PPP3R1: variants seen among roughly 807,000 people sequenced by gnomAD.
PPP3R1 encodes calcineurin subunit B type 1.
Under a neutral mutation model 22.6 loss-of-function variants are expected in PPP3R1, and 5 were observed. That is an observed-to-expected ratio of 0.22 (90% CI 0.12 to 0.46). PPP3R1 has a LOEUF of 0.46. PPP3R1 is among the 20% of genes least tolerant of loss of function. The pLI, the probability that PPP3R1 is intolerant of heterozygous loss-of-function variation, is 0.99. For missense variants in PPP3R1, 61 were observed against 203.2 expected (o/e 0.30, Z 4.25); for synonymous variants, 56 against 65.2 (o/e 0.86, Z 0.68).
chr2:68,231,988 C>T (rs1015802891), intron 1 of PPP3R1, among the ~76,000 whole-genome samples: 4 of 150,692 alleles, frequency 2.7e-5, no homozygotes, highest in African/African-American at 7.3e-5. Context: ...GGCTGGGCGC[C>T]GTGGCTCATG....
chr2:68,191,071 A>G (rs1484838809), intron 2 of PPP3R1, among the ~76,000 whole-genome samples: 1 of 152,220 alleles, frequency 6.6e-6, no homozygotes, highest in Non-Finnish European at 1.5e-5. Flanking sequence ...TTTCTAGAAC[A>G]CATGTATCAG....
At chr2:68,232,223 ATGTGTGTGTGTG>A (rs76815812) in intron 1 of PPP3R1, among the ~76,000 whole-genome samples, 6 of 45,758 alleles carry the variant, frequency 1.3e-4, no homozygotes, top group Non-Finnish European at 2.3e-4. Flanking sequence ...ATATGTATAT[ATGTGTGTGTGTG>A]TGTGTGTGTG....
chr2:68,190,643 G>C (rs1242487856), intron 2 of PPP3R1, among the ~76,000 whole-genome samples: 1 of 152,144 alleles, frequency 6.6e-6, no homozygotes, highest in Non-Finnish European at 1.5e-5. Flanking sequence ...TTCCTTTAGA[G>C]AAAACAAGTT....
At chr2:68,247,101 G>A (rs1040303621) in intron 1 of PPP3R1, among the ~76,000 whole-genome samples, 3 of 148,930 alleles carry the variant, frequency 2.0e-5, no homozygotes, top group Middle Eastern at 3.6e-3. Flanking sequence ...CACTACAGGC[G>A]TGTGCCACTG....
In PPP3R1 at chr2:68,225,364, T is replaced by G. The variant is rs181715639; in HGVS notation, c.4-8233A>C. On this transcript the variant is annotated intron_variant, in intron 1 of 5. Coordinates refer to ENST00000234310, the MANE Select transcript of PPP3R1 (RefSeq NM_000945.4). ...ACACAAGGGAAGTGGAGAGGCCACA[T>G]GGCATTGAATGCAGGCAGCCTGACG... Among the ~76,000 whole-genome samples the G allele has an allele frequency of 1.3e-3, 203 of 152,304 alleles. 1 individual carries two copies. The highest frequency in any genetic ancestry group is 4.6e-3 in the African/African-American group (193 of 41,564).
chr2:68,242,052 A>G (rs939129298), intron 1 of PPP3R1, among the ~76,000 whole-genome samples: 3 of 152,168 alleles, frequency 2.0e-5, no homozygotes, highest in South Asian at 4.1e-4. Flanking sequence ...CTTTTACTTA[A>G]CTTTAATTAA....
At chr2:68,234,594 CATATATCTAAAACA>C (rs923885163) in intron 1 of PPP3R1, among the ~76,000 whole-genome samples, 6 of 152,134 alleles carry the variant, frequency 3.9e-5, no homozygotes, top group African/African-American at 1.4e-4. Context: ...AAATGTCTTC[CATATATCTAAAACA>C]GCAGTCACAA....
At chr2:68,197,331 G>T (rs571494664) in intron 2 of PPP3R1, among the ~76,000 whole-genome samples, 1 of 152,080 alleles carries the variant, frequency 6.6e-6, no homozygotes, top group Non-Finnish European at 1.5e-5. Flanking sequence ...CCAAGTTTTT[G>T]ACACTAATCC....
In PPP3R1 at chr2:68,238,029, A is replaced by G. The variant is rs556984403; in HGVS notation, c.3+14096T>C. On this transcript the variant is annotated intron_variant, in intron 1 of 5. Transcript: ENST00000234310. ...TTTTGAAGCATAAAAGATCTCTTTT[A>G]CAATCAATAGCAGTTTCCTTTCTGG... Among the ~76,000 whole-genome samples the G allele has an allele frequency of 5.7e-4, 87 of 152,284 alleles. 3 individuals are homozygous for G. The highest frequency in any genetic ancestry group is 1.9e-3 in the African/African-American group (80 of 41,566).
intron 1 of PPP3R1, among the ~76,000 whole-genome samples, chr2:68,223,373 G>A (rs1669723831): frequency 6.6e-6 from 1 of 152,162 alleles, no homozygotes; most frequent in Admixed American, 6.5e-5. Context: ...TCTAGCCTAG[G>A]CAACAGTGCG....
intron 1 of PPP3R1, among the ~76,000 whole-genome samples, chr2:68,250,600 C>T (rs930797377): frequency 9.2e-5 from 14 of 152,190 alleles, no homozygotes; most frequent in Non-Finnish European, 2.9e-5. Flanking sequence ...ACTATGCCAA[C>T]AAAAAGATTA....
chr2:68,202,677 G>A (rs555802962), intron 2 of PPP3R1, among the ~76,000 whole-genome samples: 3 of 151,840 alleles, frequency 2.0e-5, no homozygotes, highest in South Asian at 4.2e-4. Context: ...CACTTGCCTC[G>A]GTCTCCCAAA....
intron 1 of PPP3R1, among the ~76,000 whole-genome samples, chr2:68,244,394 C>A (rs1041414336): frequency 6.6e-6 from 1 of 152,182 alleles, no homozygotes; most frequent in African/African-American, 2.4e-5. Flanking sequence ...CCTCACCCCT[C>A]AAAACCACCC....
At chr2:68,204,353 G>GATATATATATATTCTGATATATAT (rs1491437318) in intron 2 of PPP3R1, among the ~76,000 whole-genome samples, 23 of 148,344 alleles carry the variant, frequency 1.6e-4, no homozygotes, top group African/African-American at 4.5e-4. Flanking sequence ...TATATATTCT[G>GATATATATATATTCTGATATATAT]ATATATATAT....
intron 3 of PPP3R1, among the ~76,000 whole-genome samples, chr2:68,187,702 T>C (rs1674575638): frequency 6.6e-6 from 1 of 152,220 alleles, no homozygotes. Flanking sequence ...TTCAAAATTG[T>C]GAATCAAATA....
intron 1 of PPP3R1, among the ~76,000 whole-genome samples, chr2:68,250,229 T>C (rs1039565730): frequency 6.6e-6 from 1 of 150,972 alleles, no homozygotes; most frequent in African/African-American, 2.4e-5. Context: ...CATAATGACC[T>C]GGCAGGAAAC....
chr2:68,205,883 G>C (rs559317829), intron 2 of PPP3R1, among the ~76,000 whole-genome samples: 1 of 151,800 alleles, frequency 6.6e-6, no homozygotes, highest in Non-Finnish European at 1.5e-5. Context: ...GCAATGGCGC[G>C]ATCTCGGCTC....
At chr2:68,217,853 C>G (rs1012546873) in intron 1 of PPP3R1, among the ~76,000 whole-genome samples, 1 of 152,004 alleles carries the variant, frequency 6.6e-6, no homozygotes, top group African/African-American at 2.4e-5. Flanking sequence ...AAAAAGTGTT[C>G]TAGAAAAACT....
intron 1 of PPP3R1, among the ~76,000 whole-genome samples, chr2:68,241,841 C>T (rs1572978266): frequency 8.3e-6 from 1 of 120,538 alleles, no homozygotes; most frequent in East Asian, 2.2e-4. Flanking sequence ...AAGACTCCAT[C>T]TCAAAAAAAA....
Sources: allele counts gnomAD v4.1 joint callset (sites outside exome capture counted in the v4.1 genomes callset), GRCh38; gene constraint gnomAD v4.1.1; transcripts MANE v1.5; gene names NCBI Gene and HGNC (gene_info 2026-07-23, HGNC 2026-07-21).